Variants in ZNF213 observed in about 807,000 individuals in gnomAD.
ZNF213 encodes the protein zinc finger protein 213.
A neutral mutation model predicts 46.0 loss-of-function variants in ZNF213; 32 were observed. The observed-to-expected ratio is 0.70, with a 90% CI of 0.52 to 0.93. The LOEUF (loss-of-function observed/expected upper bound fraction) is 0.93. Ranked by LOEUF, ZNF213 falls within the 40% of genes least tolerant of loss-of-function variation. The pLI, the probability that ZNF213 is intolerant of heterozygous loss-of-function variation, is 0.00. For synonymous variants in ZNF213, 297 were observed against 271.0 expected (o/e 1.10, Z -0.94); for missense variants, 639 against 652.8 (o/e 0.98, Z 0.23).
Position 3,142,280 on chromosome 16 carries a change from A to C in ZNF213, c.*933A>C. The C allele has an allele frequency of 5.2e-6, 1 of 194,106 alleles. No individual in the cohort carries two copies. Among genetic ancestry groups the C allele is most frequent in the Non-Finnish European group, 1.1e-5 (1 of 93,488 alleles). 12.0% of individuals were successfully genotyped at this position (194,106 alleles called of 1,614,324 possible). A position where few individuals can be genotyped will look rare whatever the true frequency, so the allele number is the denominator to read the frequency against. On this transcript the variant is annotated 3_prime_UTR_variant, in exon 6 of 6. Coordinates refer to ENST00000396878, the MANE Select transcript of ZNF213 (RefSeq NM_004220.3). ...CCATCGGCCCCGCTCCATCGGCACT[A>C]ATGCCCCACTCGGCGCCCCACTCCA...
At chr16:3,138,618 G>A in intron 3 of ZNF213, 77 bp downstream of exon 3, 1 of 1,611,812 alleles carries the variant, frequency 6.2e-7, no homozygotes, top group Non-Finnish European at 8.5e-7. Context: ...TTGCCCTAAG[G>A]GTCACAGGCA....
In ZNF213 at chr16:3,141,201, C is replaced by T. The variant is rs1402382825; in HGVS notation, c.1234C>T (p.Leu412=). ...CAGCGACTGCGGCAAGAGCTTCTCGCTGCGCTCCTACCTGCTGGACCATCG... is the reference window on the plus strand; with the variant it reads ...CAGCGACTGCGGCAAGAGCTTCTCGTTGCGCTCCTACCTGCTGGACCATCG... ...GCSDCGKSFS[L]RSYLLDHRRV... Residue 412 remains leucine (L), a synonymous_variant, in exon 6 of 6, where the codon CTG becomes TTG. Coordinates refer to ENST00000396878, the MANE Select transcript of ZNF213 (RefSeq NM_004220.3). 1.9e-6 allele frequency: 3 copies of T among 1,612,470 alleles called. No homozygotes were observed. The highest frequency in any genetic ancestry group is 4.5e-5 in the East Asian group (2 of 44,892).
rs545882716 is a variant in ZNF213 at position 3,141,320 on chromosome 16, C to G, written c.1353C>G (p.His451Gln). ...RAHLIAHQSL[H>Q]AKMAQPVG ...ACCTCATCGCGCATCAGAGCCTGCA[C>G]GCCAAGATGGCCCAGCCCGTGGGGT... The change falls in exon 6 of 6, where the codon CAC (histidine) becomes CAG (glutamine). Residue 451 changes from histidine to glutamine, a missense_variant. By Grantham distance (24) the His-to-Gln change is conservative. Transcript: ENST00000396878. 1.9e-6 allele frequency: 3 copies of G among 1,580,494 alleles called. No homozygotes were observed. The East Asian group carries it at 6.7e-5, about 36-fold the overall frequency.
rs367814081 is a variant in ZNF213, at chr16:3,137,670, C to T, written c.390C>T (p.Ala130=). ...ACCTACAGAAGCAGCCAGTGAAAGC[C>T]TGGCGACAGGTGAGGGGCCCTTCCA... The part of the protein sequence containing the change: ...VEDLQKQPVK[A]WRQDVPSEEA... Residue 130 remains alanine, a synonymous_variant, in exon 2 of 6, where the codon GCC becomes GCT. Transcript: ENST00000396878. 1.2e-6 allele frequency: 2 copies of T among 1,613,606 alleles called. No individual in the cohort carries two copies. The highest frequency in any genetic ancestry group is 1.7e-6 in the Non-Finnish European group (2 of 1,179,940).
intron 1 of ZNF213, among the ~76,000 whole-genome samples, chr16:3,136,572 C>T (rs1172316867): frequency 3.3e-5 from 5 of 152,024 alleles, no homozygotes; most frequent in Admixed American, 3.3e-4. Context: ...AAAAAATTAG[C>T]TGGACGTGGT....
chr16:3,138,490 G>T lies in ZNF213; in HGVS notation c.472G>T (p.Val158Leu). ...CCAGGCCACGGGGCCTCCCCCGACG[G>T]TGGGGGCACGGAGGCGGCCGTCTGT... ...GSQATGPPPT[V>L]GARRRPSVPQ... Residue 158 changes from valine (V) to leucine (L), a missense_variant, in exon 3 of 6, where the codon GTG (valine) becomes TTG (leucine). Val to Leu is a conservative substitution (Grantham distance 32). Coordinates refer to ENST00000396878, the MANE Select transcript of ZNF213 (RefSeq NM_004220.3). 1 of 1,613,566 alleles carries T rather than the reference G, an allele frequency of 6.2e-7. No homozygotes were observed.
chr16:3,138,101 G>C, intron 2 of ZNF213: 1 of 483,274 alleles, frequency 2.1e-6, no homozygotes, highest in East Asian at 4.1e-5. Flanking sequence ...GATGCATCTG[G>C]GGAGGTTCTA....
Position 3,137,365 on chromosome 16 carries a change from G to A in ZNF213, c.85G>A (p.Glu29Lys). Reference sequence around the variant, plus strand: ...TGTGAAAGTGGAAGATTCCTCCTGGGAACAGGAATCTGCCCAGCATGAGGA... The same window carrying A: ...TGTGAAAGTGGAAGATTCCTCCTGGAAACAGGAATCTGCCCAGCATGAGGA... ...LIVKVEDSSWEQESAQHEDGR... is the reference protein window; with the variant it reads ...LIVKVEDSSWKQESAQHEDGR... Residue 29 changes from glutamate (E) to lysine (K), a missense_variant, in exon 2 of 6, where the codon GAA becomes AAA. Transcript: ENST00000396878. 6.2e-7 allele frequency: 1 copy of A among 1,613,974 alleles called. No individual in the cohort carries two copies. The highest frequency in any genetic ancestry group is 2.2e-5 in the East Asian group (1 of 44,880).
In ZNF213 at chr16:3,137,198, C is replaced by T; in HGVS notation, c.-83C>T. On this transcript the variant is annotated 5_prime_UTR_variant, in exon 2 of 6. It introduces an in-frame stop codon into an upstream open reading frame of the 5' UTR. Transcript: ENST00000396878. ...CATCCAGATGCCAGCCCAGCTACCA[C>T]AGGGGATCCCTCTGGGAGACTGAAA... 6.7e-7 allele frequency: 1 copy of T among 1,493,792 alleles called. No individual in the cohort carries two copies. Among genetic ancestry groups the T allele is most frequent in the Non-Finnish European group, 8.9e-7 (1 of 1,121,324 alleles). 92.5% of individuals were successfully genotyped at this position (1,493,792 alleles called of 1,614,324 possible).
intron 1 of ZNF213, among the ~76,000 whole-genome samples, chr16:3,136,712 C>G (rs1016471680): frequency 9.9e-5 from 11 of 110,562 alleles, no homozygotes; most frequent in African/African-American, 3.5e-4. Flanking sequence ...GTGAGACTCT[C>G]TCTCAGTAAA....
chr16:3,140,810 G>T lies in ZNF213; in HGVS notation c.843G>T (p.Glu281Asp), dbSNP rs1159022745. The T allele has an allele frequency of 2.5e-6, 4 of 1,595,186 alleles. No individual in the cohort carries two copies. The African/African-American group carries it at 4.1e-5, about 16-fold the overall frequency. The change falls in exon 6 of 6, where the codon GAG becomes GAT. Residue 281 changes from glutamate to aspartate, a missense_variant. Coordinates refer to ENST00000396878, the MANE Select transcript of ZNF213 (RefSeq NM_004220.3). ...GCCCCGAGGAGGCTGAGGCCTGGGA[G>T]AGCGAGAACCGGCCGAGGGCGGCCC... Reference protein sequence around the residue: ...SWSPEEAEAWESENRPRAALG... With the variant: ...SWSPEEAEAWDSENRPRAALG...
chr16:3,137,721 T>C, intron 2 of ZNF213, 42 bp downstream of exon 2: 2 of 1,596,776 alleles, frequency 1.3e-6, no homozygotes, highest in Non-Finnish European at 1.7e-6. Flanking sequence ...GGATGGTATC[T>C]GAGCTCGAGA....
In ZNF213 at chr16:3,141,251, C is replaced by T. The variant is rs776202934; in HGVS notation, c.1284C>T (p.Pro428=). 2 of 1,612,278 alleles carry T rather than the reference C, an allele frequency of 1.2e-6. No homozygotes were observed. Among genetic ancestry groups the T allele is most frequent in the Admixed American group, 3.3e-5 (2 of 60,012 alleles). The part of the protein sequence containing the change: ...DHRRVHTGER[P]FGCGECDKSF... ...GGCGTGTGCACACCGGTGAGCGGCCCTTCGGCTGCGGAGAGTGCGACAAGA... is the reference window on the plus strand; with the variant it reads ...GGCGTGTGCACACCGGTGAGCGGCCTTTCGGCTGCGGAGAGTGCGACAAGA... Residue 428 remains proline, a synonymous_variant, in exon 6 of 6, where the codon CCC becomes CCT. Transcript: ENST00000396878.
At chr16:3,135,546 G>C (rs756170662) in intron 1 of ZNF213, 159 bp downstream of exon 1, 1 of 152,224 alleles carries the variant, frequency 6.6e-6, no homozygotes, top group Non-Finnish European at 1.5e-5. Flanking sequence ...CTCGAGTATT[G>C]ATTAAGAAAC....
In ZNF213 at chr16:3,137,174, A is replaced by C; in HGVS notation, c.-107A>C. ...TTTTGCTCTTTCCCCAGGAGTACAC[A>C]TCCAGATGCCAGCCCAGCTACCACA... is the stretch of plus-strand genomic sequence containing the variant. On this transcript the variant is annotated 5_prime_UTR_variant, in exon 2 of 6. Coordinates refer to ENST00000396878, the MANE Select transcript of ZNF213 (RefSeq NM_004220.3). The C allele has an allele frequency of 6.9e-7, 1 of 1,449,018 alleles. No homozygotes were observed. The highest frequency in any genetic ancestry group is 9.2e-7 in the Non-Finnish European group (1 of 1,086,352). The allele number at this position is 1,449,018 out of a possible 1,614,324, so 89.8% of individuals were successfully genotyped here.
At chr16:3,138,854 T>A (rs1329420842) in intron 4 of ZNF213, 36 bp downstream of exon 4, 1 of 1,613,988 alleles carries the variant, frequency 6.2e-7, no homozygotes, top group East Asian at 2.2e-5. Flanking sequence ...TTTAAGGCAC[T>A]TGGCCCTGTT....
rs903559430 is a variant in ZNF213, at chr16:3,137,358, C to G, written c.78C>G (p.Ser26=). 5.6e-6 allele frequency: 9 copies of G among 1,613,826 alleles called. No homozygotes were observed. Among genetic ancestry groups the G allele is most frequent in the East Asian group, 2.2e-5 (1 of 44,890 alleles). ...EGLLIVKVED[S]SWEQESAQHE... ...TTCTGATTGTGAAAGTGGAAGATTC[C>G]TCCTGGGAACAGGAATCTGCCCAGC... The change falls in exon 2 of 6, where the codon TCC becomes TCG. Residue 26 remains serine, a synonymous_variant. Coordinates refer to ENST00000396878, the MANE Select transcript of ZNF213 (RefSeq NM_004220.3).
Position 3,135,073 on chromosome 16 carries a change from T to G in ZNF213, c.-430T>G, listed in dbSNP as rs905951773. The G allele has an allele frequency of 1.0e-5, 1 of 100,484 alleles. No homozygotes were observed. Among genetic ancestry groups the G allele is most frequent in the South Asian group, 3.3e-4 (1 of 3,062 alleles). 6.2% of individuals were successfully genotyped at this position (100,484 alleles called of 1,614,324 possible). ...AGCTCGCGGCGGAAGTGGGATCTCCTGGGCCGTAGTGGGCGTTGTGTGTTT... is the reference window on the plus strand; with the variant it reads ...AGCTCGCGGCGGAAGTGGGATCTCCGGGGCCGTAGTGGGCGTTGTGTGTTT... On this transcript the variant is annotated 5_prime_UTR_variant, in exon 1 of 6. Coordinates refer to ENST00000396878, the MANE Select transcript of ZNF213 (RefSeq NM_004220.3).
At chr16:3,137,859 A>G in intron 2 of ZNF213, 180 bp downstream of exon 2, 1 of 761,640 alleles carries the variant, frequency 1.3e-6, no homozygotes, top group Non-Finnish European at 2.1e-6. Context: ...GATCCAAAGT[A>G]AATGTGATTT....
Sources: gnomAD v4.1 joint callset for allele counts (sites outside exome capture counted in the v4.1 genomes callset) on GRCh38, gnomAD v4.1.1 for gene constraint, MANE v1.5 for transcripts, NCBI Gene and HGNC (gene_info 2026-07-23, HGNC 2026-07-21) for gene names.